Variants in MRPS27 observed in about 807,000 individuals in gnomAD.
The protein encoded by MRPS27 is mitochondrial ribosomal protein S27.
Under a neutral mutation model 48.9 loss-of-function variants are expected in MRPS27, and 43 were observed. That is an observed-to-expected ratio of 0.88 (90% CI 0.69 to 1.13). The LOEUF (loss-of-function observed/expected upper bound fraction) is 1.13, where lower values mean the gene tolerates loss of function less well. MRPS27 is among the 50% of genes most tolerant of loss of function. The pLI is 0.00. For missense variants in MRPS27, 467 were observed against 476.3 expected, an observed-to-expected ratio of 0.98 and a Z score of 0.18; for synonymous variants, 188 against 171.9, an observed-to-expected ratio of 1.09 and a Z score of -0.73.
At chr5:72,294,073 G>A (rs1410186670) in intron 4 of MRPS27, among the ~76,000 whole-genome samples, 2 of 152,026 alleles carry the variant, frequency 1.3e-5, no homozygotes, top group African/African-American at 4.8e-5. Context: ...TTAGGACATT[G>A]TTAAAGCCAA....
intron 4 of MRPS27, among the ~76,000 whole-genome samples, chr5:72,242,350 T>C (rs1272715411): frequency 1.4e-5 from 2 of 147,628 alleles, no homozygotes; most frequent in Non-Finnish European, 3.0e-5. Flanking sequence ...GCTGCCAAAA[T>C]GACATGGGAG....
In MRPS27 at chr5:72,226,141, C is replaced by T; in HGVS notation, c.753G>A (p.Trp251Ter). 6.2e-7 allele frequency: 1 copy of T among 1,613,812 alleles called. No individual in the cohort carries two copies. Among genetic ancestry groups the T allele is most frequent in the South Asian group, 1.1e-5 (1 of 91,076 alleles). Residue 251 changes from tryptophan to a stop codon, truncating the protein, a stop_gained, in exon 9 of 11, where the codon TGG becomes TGA. Coordinates refer to ENST00000261413, the MANE Select transcript of MRPS27 (RefSeq NM_015084.3). LOFTEE classifies it high-confidence loss of function. ...GGGCTCTGTCAAGGTAGCCTGGTTT[C>T]CATATCAGAGGCATGTTGTGGTACA... ...RAVYHNMPLI[W>*]KPGYLDRALQ...
chr5:72,312,745 G>A (rs966486166), intron 2 of MRPS27, among the ~76,000 whole-genome samples: 2 of 150,678 alleles, frequency 1.3e-5, no homozygotes, highest in African/African-American at 2.4e-5. Flanking sequence ...CTCAGCCTCC[G>A]GAGTAGCTGG....
chr5:72,242,901 C>T (rs1748399714), intron 4 of MRPS27, among the ~76,000 whole-genome samples: 1 of 152,182 alleles, frequency 6.6e-6, no homozygotes, highest in Non-Finnish European at 1.5e-5. Flanking sequence ...GATGCCAGAG[C>T]CTAGAGCCCA....
chr5:72,257,948 G>C (rs992822720), intron 4 of MRPS27, among the ~76,000 whole-genome samples: 3 of 152,134 alleles, frequency 2.0e-5, no homozygotes, highest in Admixed American at 1.3e-4. Context: ...GCCGGGTGTG[G>C]TGGCAGGCGC....
intron 4 of MRPS27, among the ~76,000 whole-genome samples, chr5:72,290,875 A>G (rs1006913414): frequency 1.7e-4 from 26 of 152,234 alleles, no homozygotes; most frequent in African/African-American, 6.0e-4. Flanking sequence ...CTGTTAGCTG[A>G]GCTGTTCTGT....
chr5:72,235,356 A>G (rs941591296), intron 5 of MRPS27, among the ~76,000 whole-genome samples: 15 of 152,156 alleles, frequency 9.9e-5, no homozygotes, highest in Non-Finnish European at 2.2e-4. Flanking sequence ...TTTAAAAAAC[A>G]AACAAACAAA....
chr5:72,262,317 C>G (rs1749003169), intron 4 of MRPS27, among the ~76,000 whole-genome samples: 1 of 151,998 alleles, frequency 6.6e-6, no homozygotes, highest in Non-Finnish European at 1.5e-5. Context: ...ACGAAAGGTG[C>G]TGCTGCTGCT....
intron 1 of MRPS27, among the ~76,000 whole-genome samples, chr5:72,316,351 T>C (rs1750563539): frequency 6.6e-6 from 1 of 152,174 alleles, no homozygotes. Context: ...AACCTTTGAA[T>C]TGTATACTGC....
Position 72,263,416 on chromosome 5 carries a change from T to C in MRPS27, c.282-25288A>G, listed in dbSNP as rs1181303221. ...AAAGCATTAACAACAAAAGAAAAAA[T>C]AGAGAAACTGGAATTCATCAAAATT... is the stretch of plus-strand genomic sequence containing the variant. On this transcript the variant is annotated intron_variant, in intron 4 of 10. Transcript: ENST00000261413. 4.0e-5 allele frequency among the ~76,000 whole-genome samples: 6 copies of C among 151,234 alleles called. No individual in the cohort carries two copies. In the East Asian group the frequency reaches 1.2e-3, roughly 29 times the overall value.
intron 4 of MRPS27, among the ~76,000 whole-genome samples, chr5:72,281,595 G>A (rs1244670527): frequency 6.6e-6 from 1 of 152,152 alleles, no homozygotes; most frequent in Non-Finnish European, 1.5e-5. Flanking sequence ...TTAAAACACA[G>A]GCTGTATTCT....
intron 5 of MRPS27, 37 bp downstream of exon 5, chr5:72,237,977 T>C: frequency 6.8e-7 from 1 of 1,460,808 alleles, no homozygotes. Flanking sequence ...TCACCTAAAC[T>C]CAGGAAAACA....
chr5:72,229,928 C>T (rs1214509362), intron 7 of MRPS27, among the ~76,000 whole-genome samples: 1 of 152,102 alleles, frequency 6.6e-6, no homozygotes, highest in Admixed American at 6.5e-5. Flanking sequence ...CCCTATTGCC[C>T]AGGCTGGAAT....
intron 2 of MRPS27, among the ~76,000 whole-genome samples, chr5:72,306,549 CAATA>C (rs1750274966): frequency 6.6e-6 from 1 of 152,040 alleles, no homozygotes; most frequent in Non-Finnish European, 1.5e-5. Flanking sequence ...CTGTTTTGTT[CAATA>C]AATAAATTGC....
chr5:72,226,364 G>T, intron 8 of MRPS27, 165 bp from the exon 9 acceptor site: 2 of 697,164 alleles, frequency 2.9e-6, no homozygotes, highest in Non-Finnish European at 4.7e-6. Context: ...TGACACTTCA[G>T]ATGGATAATG....
intron 4 of MRPS27, among the ~76,000 whole-genome samples, chr5:72,247,157 A>AGAC (rs2111976385): frequency 6.6e-6 from 1 of 152,324 alleles, no homozygotes; most frequent in East Asian, 1.9e-4. Flanking sequence ...GAATCATGTA[A>AGAC]GACAATAGGT....
chr5:72,271,660 T>C (rs1053164559), intron 4 of MRPS27, among the ~76,000 whole-genome samples: 1 of 152,224 alleles, frequency 6.6e-6, no homozygotes, highest in Non-Finnish European at 1.5e-5. Flanking sequence ...AAAATTTGAA[T>C]ATGGACTGTA....
intron 4 of MRPS27, among the ~76,000 whole-genome samples, chr5:72,262,308 C>T (rs773936562): frequency 2.2e-4 from 33 of 152,060 alleles, no homozygotes; most frequent in Non-Finnish European, 4.3e-4. Context: ...TAGCAGTCAA[C>T]GAAAGGTGCT....
At chr5:72,289,305 A>G (rs1333490803) in intron 4 of MRPS27, among the ~76,000 whole-genome samples, 1 of 152,230 alleles carries the variant, frequency 6.6e-6, no homozygotes, top group African/African-American at 2.4e-5. Flanking sequence ...TGAGAGCTGT[A>G]TTCTGAGAAA....
Sources: gnomAD v4.1 joint callset for allele counts (sites outside exome capture counted in the v4.1 genomes callset) on GRCh38, gnomAD v4.1.1 for gene constraint, MANE v1.5 for transcripts, NCBI Gene and HGNC (gene_info 2026-07-23, HGNC 2026-07-21) for gene names.